SUMF1: variants seen among roughly 807,000 people sequenced by gnomAD.
SUMF1 encodes formylglycine-generating enzyme.
A neutral mutation model predicts 47.6 loss-of-function variants in SUMF1; 48 were observed. The observed-to-expected ratio is 1.01, with a 90% CI of 0.80 to 1.28. The LOEUF (loss-of-function observed/expected upper bound fraction) is 1.28, where lower values mean the gene tolerates loss of function less well. SUMF1 is among the 50% of genes most tolerant of loss of function. SUMF1 has a pLI of 0.00. For synonymous variants in SUMF1, 230 were observed against 192.1 expected, an observed-to-expected ratio of 1.20 and a Z score of -1.63; for missense variants, 571 against 485.4, an observed-to-expected ratio of 1.18 and a Z score of -1.66.
intron 8 of SUMF1, among the ~76,000 whole-genome samples, chr3:4,320,602 G>A (rs778969924): frequency 6.6e-5 from 10 of 152,092 alleles, no homozygotes; most frequent in Non-Finnish European, 1.5e-4. Context: ...GGAACTGCAT[G>A]GTGAACAAAG....
intron 8 of SUMF1, among the ~76,000 whole-genome samples, chr3:4,151,879 C>T (rs766578592): frequency 6.6e-6 from 1 of 151,432 alleles, no homozygotes; most frequent in Non-Finnish European, 1.5e-5. Flanking sequence ...GCATAACTGA[C>T]CTTCCCATGT....
chr3:4,042,513 C>T (rs866748854), intron 9 of SUMF1, among the ~76,000 whole-genome samples: 8 of 152,264 alleles, frequency 5.3e-5, no homozygotes, highest in South Asian at 2.1e-4. Context: ...AGGACATCTG[C>T]CCAGCAATTG....
At chr3:4,078,350 G>C (rs1342008967) in intron 8 of SUMF1, among the ~76,000 whole-genome samples, 1 of 151,998 alleles carries the variant, frequency 6.6e-6, no homozygotes, top group Non-Finnish European at 1.5e-5. Context: ...ACCTGTGAAC[G>C]TATCATCCCA....
chr3:4,332,727 C>G (rs1699073995), intron 8 of SUMF1, among the ~76,000 whole-genome samples: 3 of 152,134 alleles, frequency 2.0e-5, no homozygotes, highest in Non-Finnish European at 4.4e-5. Context: ...AGACAGAAGA[C>G]AGGGAAATAC....
intron 8 of SUMF1, among the ~76,000 whole-genome samples, chr3:4,209,983 C>T (rs955578955): frequency 5.3e-5 from 8 of 152,130 alleles, no homozygotes; most frequent in African/African-American, 1.9e-4. Flanking sequence ...TAACCTCCAC[C>T]TCCTGGGTTC....
Position 4,139,587 on chromosome 3 carries a change from T to C in SUMF1, c.1015-70842A>G, listed in dbSNP as rs145197864. ...ATATGCATGTGTGTGTGTGTATATA[T>C]ATACACACACACACACATTTCTTAA... is the stretch of plus-strand genomic sequence containing the variant. On this transcript the variant is annotated intron_variant and NMD_transcript_variant, in intron 8 of 12. Coordinates refer to the SUMF1 transcript ENST00000448413. 2.3e-3 allele frequency among the ~76,000 whole-genome samples: 341 copies of C among 151,246 alleles called. 2 individuals are homozygous for C. The highest frequency in any genetic ancestry group is 7.7e-3 in the African/African-American group (318 of 41,270).
At chr3:4,401,620 T>G (rs1701215428) in intron 7 of SUMF1, among the ~76,000 whole-genome samples, 1 of 152,180 alleles carries the variant, frequency 6.6e-6, no homozygotes, top group Non-Finnish European at 1.5e-5. Flanking sequence ...ATGACTCACC[T>G]AGGGCCCCAC....
intron 9 of SUMF1, among the ~76,000 whole-genome samples, chr3:4,048,562 C>T (rs1695047548): frequency 6.6e-6 from 1 of 151,912 alleles, no homozygotes. Flanking sequence ...GTCCTCATAG[C>T]ACCATGTGCT....
At chr3:4,309,042 A>C (rs1221715661) in intron 8 of SUMF1, among the ~76,000 whole-genome samples, 2 of 152,228 alleles carry the variant, frequency 1.3e-5, no homozygotes, top group Non-Finnish European at 2.9e-5. Flanking sequence ...AAGACAGGAC[A>C]GTTGGAAGCA....
chr3:4,285,930 C>T (rs11929065), intron 8 of SUMF1, among the ~76,000 whole-genome samples: 59 of 152,166 alleles, frequency 3.9e-4, no homozygotes, highest in South Asian at 2.9e-3. Flanking sequence ...AGCTAATAGT[C>T]GGAGCATGTT....
At chr3:4,253,142 A>T (rs1340220953) in intron 8 of SUMF1, among the ~76,000 whole-genome samples, 3 of 152,224 alleles carry the variant, frequency 2.0e-5, no homozygotes, top group Non-Finnish European at 4.4e-5. Flanking sequence ...GTTATGACAC[A>T]AGCTCAGTTT....
At chr3:4,293,593 G>GT (rs1697783410) in intron 8 of SUMF1, among the ~76,000 whole-genome samples, 1 of 152,042 alleles carries the variant, frequency 6.6e-6, no homozygotes, top group African/African-American at 2.4e-5. Context: ...CCTCACTCAG[G>GT]TAACTCACAA....
At chr3:4,358,379 C>G (rs191512087), downstream of SUMF1, among the ~76,000 whole-genome samples, 17 of 150,328 alleles carry the variant, frequency 1.1e-4, no homozygotes, top group Middle Eastern at 3.4e-3. Flanking sequence ...CAACAAAAAA[C>G]AAAACAGTTT....
intron 8 of SUMF1, among the ~76,000 whole-genome samples, chr3:4,236,723 G>T (rs1346063113): frequency 6.6e-6 from 1 of 152,138 alleles, no homozygotes; most frequent in African/African-American, 2.4e-5. Flanking sequence ...CAGTATGTTT[G>T]TAACAATCAA....
intron 8 of SUMF1, among the ~76,000 whole-genome samples, chr3:4,096,085 G>A (rs565666697): frequency 7.9e-5 from 12 of 152,240 alleles, no homozygotes; most frequent in African/African-American, 2.4e-4. Context: ...ATATGAACAA[G>A]ATATCCTAAA....
intron 8 of SUMF1, among the ~76,000 whole-genome samples, chr3:4,277,884 T>A (rs971894785): frequency 6.6e-6 from 1 of 152,146 alleles, no homozygotes; most frequent in African/African-American, 2.4e-5. Flanking sequence ...TTTTAAGGTA[T>A]TGACGTGGTA....
At chr3:4,313,044 C>A (rs765991701) in intron 8 of SUMF1, 3 of 1,613,782 alleles carry the variant, frequency 1.9e-6, no homozygotes, top group Non-Finnish European at 2.5e-6. Flanking sequence ...ATAACTCATG[C>A]CTTAGAGATA....
intron 8 of SUMF1, among the ~76,000 whole-genome samples, chr3:4,339,470 C>T (rs308723): frequency 0.78 from 118,121 of 152,140 alleles, 46,425 homozygotes; most frequent in African/African-American, 0.89. Flanking sequence ...TCAGCCAACC[C>T]GCAGGTAGCT....
intron 8 of SUMF1, among the ~76,000 whole-genome samples, chr3:4,159,173 C>T (rs1485261): frequency 0.93 from 140,197 of 151,056 alleles, 65,195 homozygotes; most frequent in East Asian, 1. Context: ...GACTTACTCC[C>T]GTCATGTTGT....
Sources: gnomAD v4.1 joint callset for allele counts (sites outside exome capture counted in the v4.1 genomes callset) on GRCh38, gnomAD v4.1.1 for gene constraint, MANE v1.5 for transcripts, NCBI Gene and HGNC (gene_info 2026-07-23, HGNC 2026-07-21) for gene names.